The following CHRM2 variants were observed in gnomAD, a reference collection of about 807,000 sequenced individuals.
The protein encoded by CHRM2 is muscarinic acetylcholine receptor M2.
A neutral mutation model predicts 25.0 loss-of-function variants in CHRM2; 8 were observed. That is an observed-to-expected ratio of 0.32 (90% CI 0.19 to 0.58). The LOEUF is 0.58. Among genes scored for constraint, CHRM2 ranks in the 20% least tolerant of loss-of-function variants. The pLI, the probability that CHRM2 is intolerant of heterozygous loss-of-function variation, is 0.88. For synonymous variants in CHRM2, 202 were observed against 205.7 expected, an observed-to-expected ratio of 0.98 and a Z score of 0.15; for missense variants, 440 against 567.1, an observed-to-expected ratio of 0.78 and a Z score of 2.28.
At chr7:136,878,427 T>C (rs1402439907) in intron 2 of CHRM2, among the ~76,000 whole-genome samples, 1 of 151,896 alleles carries the variant, frequency 6.6e-6, no homozygotes, top group East Asian at 1.9e-4. Flanking sequence ...GTTTAATTTC[T>C]ATTCTCTCTG....
chr7:136,876,991 A>G (rs922655458), intron 2 of CHRM2, among the ~76,000 whole-genome samples: 2 of 152,110 alleles, frequency 1.3e-5, no homozygotes, highest in African/African-American at 4.8e-5. Context: ...CAGGCTGGGA[A>G]TTAGGGACAG....
chr7:136,949,459 T>TAAA (rs386411435), intron 2 of CHRM2, among the ~76,000 whole-genome samples: 76,259 of 120,364 alleles, frequency 0.63, 23,784 homozygotes, highest in African/African-American at 0.72. Flanking sequence ...TCTGCAAAAC[T>TAAA]AAAAAAAAAA....
chr7:136,956,993 C>G (rs1165239045), intron 2 of CHRM2, among the ~76,000 whole-genome samples: 1 of 152,090 alleles, frequency 6.6e-6, no homozygotes, highest in Admixed American at 6.6e-5. Flanking sequence ...AGAAAGCTGG[C>G]GGGACTCCCC....
At chr7:136,873,786 C>T (rs981750984) in intron 2 of CHRM2, among the ~76,000 whole-genome samples, 2 of 150,546 alleles carry the variant, frequency 1.3e-5, no homozygotes, top group Admixed American at 1.3e-4. Context: ...GTTAATACAA[C>T]TTTGCATGTT....
At chr7:136,966,028 G>A (rs753482968) in intron 2 of CHRM2, among the ~76,000 whole-genome samples, 2 of 151,874 alleles carry the variant, frequency 1.3e-5, no homozygotes, top group African/African-American at 4.8e-5. Context: ...GAGGGAGACA[G>A]AACTCTGATA....
chr7:136,887,618 A>G (rs1221192279), intron 2 of CHRM2, among the ~76,000 whole-genome samples: 1 of 152,172 alleles, frequency 6.6e-6, no homozygotes, highest in Non-Finnish European at 1.5e-5. Context: ...TGTCTCTTGA[A>G]TCAACTCACC....
chr7:137,000,143 C>T (rs1250400158), intron 3 of CHRM2, among the ~76,000 whole-genome samples: 1 of 151,008 alleles, frequency 6.6e-6, no homozygotes, highest in African/African-American at 2.4e-5. Context: ...TAGACCCTCA[C>T]TCATCAGTAT....
chr7:136,918,364 A>G (rs985783485), intron 2 of CHRM2, among the ~76,000 whole-genome samples: 1 of 152,082 alleles, frequency 6.6e-6, no homozygotes, highest in Non-Finnish European at 1.5e-5. Flanking sequence ...AACAACTAGT[A>G]TTTTGTTTCA....
chr7:136,906,369 GTAT>G (rs1285158899), intron 2 of CHRM2, among the ~76,000 whole-genome samples: 3 of 150,642 alleles, frequency 2.0e-5, no homozygotes, highest in Admixed American at 6.7e-5. Context: ...ATATATGTAT[GTAT>G]TATATTTATA....
Position 137,015,834 on chromosome 7 carries a change from A to G in CHRM2, c.969A>G (p.Thr323=). 2.5e-6 allele frequency: 4 copies of G among 1,612,982 alleles called. No homozygotes were observed. The highest frequency in any genetic ancestry group is 2.5e-6 in the Non-Finnish European group (3 of 1,179,316). ...CCAAAGATGAGAACTCTAAGCAAAC[A>G]TGCATCAGAATTGGCACCAAGACCC... ...GHSKDENSKQ[T]CIRIGTKTPK... The change falls in exon 4 of 4, where the codon ACA becomes ACG. Residue 323 remains threonine (T), a synonymous_variant. Coordinates refer to ENST00000680005, the MANE Select transcript of CHRM2 (RefSeq NM_001006630.2). The surrounding 1 kb of genome is among the most constrained non-coding windows in gnomAD (Gnocchi z 5.1).
chr7:136,886,091 G>A (rs1482515059), intron 2 of CHRM2, among the ~76,000 whole-genome samples: 1 of 152,142 alleles, frequency 6.6e-6, no homozygotes, highest in Non-Finnish European at 1.5e-5. Context: ...AACATTTTAT[G>A]TTTAAATCAT....
intron 2 of CHRM2, among the ~76,000 whole-genome samples, chr7:136,968,624 C>A (rs1229219052): frequency 6.6e-6 from 1 of 150,610 alleles, no homozygotes; most frequent in Non-Finnish European, 1.5e-5. Context: ...ATGGTAACAA[C>A]CCAAAGGTCT....
chr7:137,000,294 G>A (rs1239421610), intron 3 of CHRM2, among the ~76,000 whole-genome samples: 1 of 141,806 alleles, frequency 7.1e-6, no homozygotes, highest in African/African-American at 2.6e-5. Flanking sequence ...CACCTCCCAG[G>A]TTCAAGTGAT....
At chr7:136,885,415 TTTAAAACTGAGAAA>T (rs1295028930) in intron 2 of CHRM2, among the ~76,000 whole-genome samples, 1 of 152,222 alleles carries the variant, frequency 6.6e-6, no homozygotes, top group African/African-American at 2.4e-5. Context: ...ATTGTCCATA[TTTAAAACTGAGAAA>T]TATCCATCAT....
intron 3 of CHRM2, among the ~76,000 whole-genome samples, chr7:137,014,387 T>C (rs1264875760): frequency 1.3e-5 from 2 of 152,058 alleles, no homozygotes; most frequent in African/African-American, 4.8e-5. Flanking sequence ...ATACATTCTA[T>C]GCTTTCTTCT....
intron 2 of CHRM2, chr7:136,914,328 A>T (rs1257317207): frequency 6.6e-6 from 1 of 151,994 alleles, no homozygotes; most frequent in African/African-American, 2.4e-5. Flanking sequence ...TACAATTTTC[A>T]TTCTTTATTG....
At chr7:136,938,962 A>T (rs1178367407) in intron 2 of CHRM2, among the ~76,000 whole-genome samples, 4 of 113,806 alleles carry the variant, frequency 3.5e-5, no homozygotes, top group African/African-American at 7.4e-5. Flanking sequence ...AAAAAAAAAA[A>T]AGAGTGCTTG....
At chr7:136,921,766 T>TTTTCTATC (rs1798447700) in intron 2 of CHRM2, among the ~76,000 whole-genome samples, 2 of 147,544 alleles carry the variant, frequency 1.4e-5, no homozygotes, top group Non-Finnish European at 1.5e-5. Context: ...ATTCATGCAA[T>TTTTCTATC]TTTCTTTCTT....
chr7:136,869,871 T>C lies in CHRM2; in HGVS notation c.-125+453T>C. 6.6e-6 allele frequency: 1 copy of C among 151,746 alleles called. No individual in the cohort carries two copies. Among genetic ancestry groups the C allele is most frequent in the Non-Finnish European group, 1.5e-5 (1 of 68,166 alleles). The allele number at this position is 151,746 out of a possible 1,614,324, so 9.4% of individuals were successfully genotyped here. On this transcript the variant is annotated intron_variant, in intron 2 of 3. Coordinates refer to ENST00000680005, the MANE Select transcript of CHRM2 (RefSeq NM_001006630.2). This position sits in a 1 kb window ranked among gnomAD's most constrained non-coding sequence, Gnocchi z 4.9. ...CCCCTCGGGTTCCTTCCTGCTGGGG[T>C]CTGACCGCGTCTTCTGTGCGTGTGG...
Sources: gnomAD v4.1 joint callset for allele counts (sites outside exome capture counted in the v4.1 genomes callset) on GRCh38, gnomAD v4.1.1 for gene constraint, Gnocchi (gnomAD v3.1) non-coding constraint, MANE v1.5 for transcripts, NCBI Gene and HGNC (gene_info 2026-07-23, HGNC 2026-07-21) for gene names.